Variants in ANKFN1 observed in about 807,000 individuals in gnomAD.
ANKFN1 encodes ankyrin repeat and fibronectin type-III domain-containing protein 1.
ANKFN1 carries 74 observed loss-of-function variants against 108.7 expected under a neutral mutation model. The ratio of observed to expected loss-of-function variants is 0.68; its 90% CI spans 0.56 to 0.83. The LOEUF is 0.83. Among genes scored for constraint, ANKFN1 ranks in the 40% least tolerant of loss-of-function variants. The pLI is 0.00. For synonymous variants in ANKFN1, 547 were observed against 516.2 expected (o/e 1.06, Z -0.81); for missense variants, 1,505 against 1,382.3 (o/e 1.09, Z -1.41).
chr17:56,138,025 C>T (rs900549874), intron 4 of ANKFN1, among the ~76,000 whole-genome samples: 3 of 152,240 alleles, frequency 2.0e-5, no homozygotes, highest in African/African-American at 7.2e-5. Context: ...AGAACCCTCT[C>T]CAAGAGGTAA....
chr17:56,082,450 A>AT (rs1170246261), intron 4 of ANKFN1, among the ~76,000 whole-genome samples: 3 of 151,602 alleles, frequency 2.0e-5, no homozygotes, highest in Non-Finnish European at 1.5e-5. Flanking sequence ...ACAAAAAAAA[A>AT]CCACGAGGCA....
rs531134561 is a variant in ANKFN1 at position 56,087,542 on chromosome 17, G to GA, written c.288+41218dup. Among the ~76,000 whole-genome samples, 277 of 151,392 alleles carry GA rather than the reference G, an allele frequency of 1.8e-3. 9 individuals carry two copies. The highest frequency in any genetic ancestry group is 2.9e-3 in the Non-Finnish European group (194 of 67,720). ...AACGCCAGTGGACTCCCCTGCACTT[G>GA]ATGGTGACATCTGTTTCCATTCTAG... is the stretch of plus-strand genomic sequence containing the variant. On this transcript the variant is annotated intron_variant, in intron 4 of 12. Coordinates refer to the ANKFN1 transcript ENST00000635860.
intron 4 of ANKFN1, chr17:56,110,922 A>G (rs1349621856): frequency 6.6e-6 from 1 of 152,298 alleles, no homozygotes; most frequent in Non-Finnish European, 1.5e-5. Flanking sequence ...CAGAGCTCCC[A>G]GTTCCTGGTT....
intron 8 of ANKFN1, among the ~76,000 whole-genome samples, chr17:56,421,641 A>C (rs1328831787): frequency 6.6e-6 from 1 of 152,220 alleles, no homozygotes; most frequent in Non-Finnish European, 1.5e-5. Context: ...AACACTCAGA[A>C]ACCAAGCTTT....
intron 4 of ANKFN1, among the ~76,000 whole-genome samples, chr17:56,074,805 T>C (rs557479412): frequency 6.6e-6 from 1 of 152,322 alleles, no homozygotes; most frequent in East Asian, 1.9e-4. Context: ...AAATCTGTTA[T>C]TGGCAAAGCG....
At chr17:56,472,362 C>T (rs889595682) in intron 15 of ANKFN1, 2 of 152,144 alleles carry the variant, frequency 1.3e-5, no homozygotes, top group African/African-American at 2.4e-5. Flanking sequence ...TTTTCATACT[C>T]CATCCAACAA....
At chr17:56,349,357 C>T (rs1392810542) in intron 4 of ANKFN1, among the ~76,000 whole-genome samples, 3 of 151,024 alleles carry the variant, frequency 2.0e-5, no homozygotes, top group Non-Finnish European at 4.4e-5. Context: ...AACAAACCTA[C>T]ACATCCTGCA....
chr17:56,190,374 A>C (rs1912779742), intron 1 of ANKFN1, among the ~76,000 whole-genome samples: 1 of 104,956 alleles, frequency 9.5e-6, no homozygotes, highest in Non-Finnish European at 1.9e-5. Flanking sequence ...CCCTCTACAC[A>C]CTGCTTTGAA....
intron 4 of ANKFN1, among the ~76,000 whole-genome samples, chr17:56,066,539 A>G (rs1029707520): frequency 6.6e-6 from 1 of 152,236 alleles, no homozygotes; most frequent in African/African-American, 2.4e-5. Context: ...GATAAAATAT[A>G]TTATTAAAAT....
chr17:56,271,611 G>C (rs1039683308), intron 3 of ANKFN1, among the ~76,000 whole-genome samples: 2 of 152,160 alleles, frequency 1.3e-5, no homozygotes, highest in Non-Finnish European at 2.9e-5. Context: ...TCAAGTATTT[G>C]GCCATTGAGT....
At chr17:56,059,180 G>A (rs1000290510) in intron 4 of ANKFN1, among the ~76,000 whole-genome samples, 2 of 152,134 alleles carry the variant, frequency 1.3e-5, no homozygotes, top group African/African-American at 4.8e-5. Flanking sequence ...TTTTTCTAAT[G>A]ATCAGTGATG....
At chr17:56,378,141 G>T (rs1425127483) in intron 8 of ANKFN1, among the ~76,000 whole-genome samples, 1 of 152,178 alleles carries the variant, frequency 6.6e-6, no homozygotes, top group Non-Finnish European at 1.5e-5. Flanking sequence ...GGAGCTCATA[G>T]TGTATCTGCT....
At chr17:56,141,756 G>C (rs1338942576) in intron 4 of ANKFN1, among the ~76,000 whole-genome samples, 2 of 152,042 alleles carry the variant, frequency 1.3e-5, no homozygotes, top group African/African-American at 4.8e-5. Context: ...CCCTGATGCT[G>C]TGACCTCAGC....
At chr17:56,350,152 C>A (rs1332926845) in intron 4 of ANKFN1, among the ~76,000 whole-genome samples, 1 of 152,158 alleles carries the variant, frequency 6.6e-6, no homozygotes, top group African/African-American at 2.4e-5. Context: ...GCCAGGGTAT[C>A]TGGGGTAAGC....
intron 1 of ANKFN1, among the ~76,000 whole-genome samples, chr17:56,170,803 T>TACAC (rs1160259097): frequency 2.9e-5 from 2 of 68,060 alleles, no homozygotes; most frequent in Non-Finnish European, 3.1e-5. Context: ...TATATATATA[T>TACAC]ATATACACAC....
At position 56,357,726 on chromosome 17, in the gene ANKFN1, A is replaced by G. The variant is rs376905242; in HGVS notation, c.601+3680A>G. Among the ~76,000 whole-genome samples the G allele has an allele frequency of 1.2e-4, 19 of 152,332 alleles. No homozygotes were observed. The East Asian group carries it at 1.5e-3, about 12-fold the overall frequency. On this transcript the variant is annotated intron_variant, in intron 6 of 20. Coordinates refer to ENST00000682825, the MANE Select transcript of ANKFN1 (RefSeq NM_001370326.1). ...CAAGAGGAAAACCAGTCTGCCAGCC[A>G]GAACCAGATAAGCAAACACCTGCCG...
At chr17:56,103,093 C>T (rs1229892842) in intron 4 of ANKFN1, among the ~76,000 whole-genome samples, 1 of 152,174 alleles carries the variant, frequency 6.6e-6, no homozygotes, top group Non-Finnish European at 1.5e-5. Context: ...GGACTGTGTG[C>T]ATCTGGATAT....
chr17:56,046,383 C>G (rs545999383), intron 4 of ANKFN1: 1 of 152,486 alleles, frequency 6.6e-6, no homozygotes, highest in African/African-American at 2.4e-5. Context: ...GGAGGGGTCT[C>G]GGCTGTGAGG....
intron 8 of ANKFN1, among the ~76,000 whole-genome samples, chr17:56,406,680 C>A (rs2047931983): frequency 6.6e-6 from 1 of 152,102 alleles, no homozygotes; most frequent in Non-Finnish European, 1.5e-5. Flanking sequence ...TAGGTCAGGT[C>A]AAATTTTATT....
Sources: allele counts gnomAD v4.1 joint callset (sites outside exome capture counted in the v4.1 genomes callset), GRCh38; gene constraint gnomAD v4.1.1; transcripts MANE v1.5; gene names NCBI Gene and HGNC (gene_info 2026-07-23, HGNC 2026-07-21).